C10orf88: variants seen among roughly 807,000 people sequenced by gnomAD.
C10orf88 encodes chromosome 10 open reading frame 88.
Under a neutral mutation model 34.2 loss-of-function variants are expected in C10orf88, and 29 were observed. That is an observed-to-expected ratio of 0.85 (90% CI 0.63 to 1.16). C10orf88 has a LOEUF of 1.16. Ranked by LOEUF, C10orf88 falls within the 50% of genes most tolerant of loss-of-function variation. The probability of loss-of-function intolerance (pLI) is 0.00; values close to 1 mark genes in which losing one functional copy is unlikely to be tolerated. For synonymous variants in C10orf88, 194 were observed against 197.4 expected, an observed-to-expected ratio of 0.98 and a Z score of 0.15; for missense variants, 507 against 533.2, an observed-to-expected ratio of 0.95 and a Z score of 0.48.
In C10orf88 at chr10:122,954,049, C is replaced by G; in HGVS notation, c.130G>C (p.Asp44His). ...TRAGLGPGDF[D>H]WEELLAPPAP... is the part of the protein sequence containing the mutation. ...GGCGGTGCCAGCAGCTCCTCCCAGT[C>G]GAAGTCACCGGGGCCGAGACCGGCC... The change falls in exon 1 of 6, where the codon GAC (aspartate) becomes CAC (histidine). Residue 44 changes from aspartate (D) to histidine (H), a missense_variant. Asp to His is a moderately conservative substitution (Grantham distance 81). Transcript: ENST00000481909. 6.5e-7 allele frequency: 1 copy of G among 1,537,730 alleles called. No individual in the cohort carries two copies. The highest frequency in any genetic ancestry group is 1.8e-4 in the Middle Eastern group (1 of 5,520).
At position 122,932,186 on chromosome 10, in the gene C10orf88, A is replaced by G. The variant is rs1848489316; in HGVS notation, c.*241T>C. On this transcript the variant is annotated 3_prime_UTR_variant, in exon 6 of 6. Transcript: ENST00000481909. The stretch of plus-strand genomic sequence containing the variant: ...TTAAACTCTTAACACAAATATACAT[A>G]CATTTCTGTAAGACTGAAAAATATC... 2.6e-6 allele frequency: 1 copy of G among 382,330 alleles called. No individual in the cohort carries two copies. Among genetic ancestry groups the G allele is most frequent in the Admixed American group, 4.0e-5 (1 of 24,736 alleles). The allele number at this position is 382,330 out of a possible 1,614,324, so 23.7% of individuals were successfully genotyped here.
chr10:122,952,027 CTAAAAA>C lies in C10orf88; in HGVS notation c.369-7_369-2del, dbSNP rs761402450. 7.1e-7 allele frequency: 1 copy of C among 1,405,412 alleles called. No individual in the cohort carries two copies. Among genetic ancestry groups the C allele is most frequent in the African/African-American group, 1.4e-5 (1 of 69,050 alleles). The allele number at this position is 1,405,412 out of a possible 1,614,324, so 87.1% of individuals were successfully genotyped here. ...ATACAAAATGATCTTTTCATGTTCA[CTAAAAA>C]TAAAAAAGAATTAATTTTTTTTACT... On this transcript the variant is annotated splice_acceptor_variant and splice_polypyrimidine_tract_variant and intron_variant, in intron 2 of 5. Coordinates refer to ENST00000481909, the MANE Select transcript of C10orf88 (RefSeq NM_024942.4). LOFTEE classifies it high-confidence loss of function.
chr10:122,938,058 G>C lies in C10orf88; in HGVS notation c.750C>G (p.Asn250Lys), dbSNP rs1338023162. ...AAGGAAAAGGTGTGGAGGACGACTTGTTTAAGGTTCCTAAGGTAGATGAGG... is the reference window on the plus strand; with the variant it reads ...AAGGAAAAGGTGTGGAGGACGACTTCTTTAAGGTTCCTAAGGTAGATGAGG... ...LQSSSTLGTL[N>K]KSSSTPFPFR... The change falls in exon 5 of 6, where the codon AAC becomes AAG. Residue 250 changes from asparagine (N) to lysine (K), a missense_variant. By Grantham distance (94) the Asn-to-Lys change is moderately conservative. Transcript: ENST00000481909. The C allele has an allele frequency of 6.2e-7, 1 of 1,613,288 alleles. No individual in the cohort carries two copies. Among genetic ancestry groups the C allele is most frequent in the South Asian group, 1.1e-5 (1 of 91,070 alleles).
chr10:122,946,002 A>G (rs1466176412), intron 4 of C10orf88, among the ~76,000 whole-genome samples: 2 of 152,084 alleles, frequency 1.3e-5, no homozygotes, highest in Non-Finnish European at 2.9e-5. Context: ...GGCCTGAGGT[A>G]GGAGAATTGC....
At chr10:122,952,803 C>T (rs368338378) in intron 2 of C10orf88, 26 bp downstream of exon 2, 422 of 1,611,276 alleles carry the variant, frequency 2.6e-4, no homozygotes, top group Non-Finnish European at 3.5e-4. Context: ...TTCAGAAGAA[C>T]ACTTTCCCGT....
intron 5 of C10orf88, 57 bp downstream of exon 5, chr10:122,937,648 T>A: frequency 1.4e-6 from 2 of 1,415,602 alleles, no homozygotes; most frequent in Non-Finnish European, 1.9e-6. Flanking sequence ...CTGTTTCCTT[T>A]CATCTGATTC....
chr10:122,937,751 A>G lies in C10orf88; in HGVS notation c.1057T>C (p.Cys353Arg). ...CCATGCTTGGTGATGTTTTCCTGAC[A>G]CTCGGTCTTATTTCCCACATGGAGA... ...NHLHVGNKTECQENITKHGER... is the reference protein window; with the variant it reads ...NHLHVGNKTERQENITKHGER... Residue 353 changes from cysteine (C) to arginine (R), a missense_variant, in exon 5 of 6, where the codon TGT becomes CGT. By Grantham distance (180) the Cys-to-Arg change is radical (BLOSUM62 -3). Transcript: ENST00000481909. 6.2e-7 allele frequency: 1 copy of G among 1,612,412 alleles called. No homozygotes were observed. Among genetic ancestry groups the G allele is most frequent in the Admixed American group, 1.7e-5 (1 of 59,834 alleles).
rs752342938 is a variant in C10orf88, at chr10:122,938,115, A to G, written c.693T>C (p.Asn231=). 4 of 1,611,516 alleles carry G rather than the reference A, an allele frequency of 2.5e-6. No homozygotes were observed. The highest frequency in any genetic ancestry group is 3.4e-6 in the Non-Finnish European group (4 of 1,178,322). Residue 231 remains asparagine (N), a synonymous_variant, in exon 5 of 6, where the codon AAT becomes AAC. Coordinates refer to ENST00000481909, the MANE Select transcript of C10orf88 (RefSeq NM_024942.4). ...IGEQLQSVLG[N]SGYKHMIGLQ... ...GTCCAATCATATGCTTGTATCCAGA[A>G]TTGCCCAACACCGACTGAAGCTGCT...
intron 2 of C10orf88, among the ~76,000 whole-genome samples, chr10:122,952,370 A>G (rs2133337828): frequency 6.6e-6 from 1 of 152,364 alleles, no homozygotes; most frequent in Non-Finnish European, 1.5e-5. Context: ...CGTAAGAAAA[A>G]AAATCACAAG....
At chr10:122,941,592 A>T (rs539237742) in intron 4 of C10orf88, among the ~76,000 whole-genome samples, 14 of 152,160 alleles carry the variant, frequency 9.2e-5, no homozygotes, top group African/African-American at 1.9e-4. Context: ...TACACAGCTT[A>T]TATGACATTC....
chr10:122,940,438 A>G (rs916721835), intron 4 of C10orf88, among the ~76,000 whole-genome samples: 1 of 152,046 alleles, frequency 6.6e-6, no homozygotes, highest in African/African-American at 2.4e-5. Context: ...TTCAATAGGT[A>G]TAAAGTTACA....
At chr10:122,953,499 C>A (rs1848713412) in intron 1 of C10orf88, among the ~76,000 whole-genome samples, 1 of 152,170 alleles carries the variant, frequency 6.6e-6, no homozygotes, top group Non-Finnish European at 1.5e-5. Context: ...CAGGGCTTTC[C>A]CAAACTCTAT....
Position 122,948,686 on chromosome 10 carries a change from G to A in C10orf88, c.611C>T (p.Ala204Val). 1 of 1,613,878 alleles carries A rather than the reference G, an allele frequency of 6.2e-7. No homozygotes were observed. Among genetic ancestry groups the A allele is most frequent in the Non-Finnish European group, 8.5e-7 (1 of 1,179,884 alleles). Residue 204 changes from alanine (A) to valine (V), a missense_variant, in exon 4 of 6, where the codon GCT becomes GTT. Ala to Val is a moderately conservative substitution (Grantham distance 64). Coordinates refer to ENST00000481909, the MANE Select transcript of C10orf88 (RefSeq NM_024942.4). ...ESMGSKLSPG[A>V]QQLMDMVRCQ... ...CCTAACCATATCCATCAACTGCTGA[G>A]CTCCAGGAGATAACTTTGACCCCAT...
At chr10:122,953,095 T>G (rs978985504) in intron 1 of C10orf88, 63 bp from the exon 2 acceptor site, 1 of 1,344,138 alleles carries the variant, frequency 7.4e-7, no homozygotes, top group Non-Finnish European at 1.0e-6. Context: ...TCTTCTTTTT[T>G]GAGACGGAGT....
At chr10:122,950,187 G>A (rs1331569113) in intron 3 of C10orf88, among the ~76,000 whole-genome samples, 1 of 152,194 alleles carries the variant, frequency 6.6e-6, no homozygotes. Flanking sequence ...CTAAATCTGA[G>A]TCAGGATAAA....
intron 5 of C10orf88, among the ~76,000 whole-genome samples, chr10:122,933,975 C>T (rs1369021875): frequency 2.0e-5 from 3 of 151,878 alleles, no homozygotes; most frequent in East Asian, 1.9e-4. Flanking sequence ...ATGTAGCCTA[C>T]ATAAGTTTAT....
chr10:122,939,081 T>C (rs1266694326), intron 4 of C10orf88, among the ~76,000 whole-genome samples: 1 of 151,988 alleles, frequency 6.6e-6, no homozygotes, highest in Non-Finnish European at 1.5e-5. Flanking sequence ...GTTCATATAC[T>C]TATAGATATT....
intron 4 of C10orf88, among the ~76,000 whole-genome samples, chr10:122,946,191 A>G (rs1188334459): frequency 1.3e-5 from 2 of 152,192 alleles, no homozygotes; most frequent in African/African-American, 2.4e-5. Flanking sequence ...CTAAATGTGC[A>G]GTGTTTATAA....
In C10orf88 at chr10:122,938,134, A is replaced by C. The variant is rs983241544; in HGVS notation, c.674T>G (p.Leu225Arg). The C allele has an allele frequency of 1.9e-6, 3 of 1,605,358 alleles. No individual in the cohort carries two copies. The highest frequency in any genetic ancestry group is 2.6e-6 in the Non-Finnish European group (3 of 1,174,922). The change falls in exon 5 of 6, where the codon CTT becomes CGT. Residue 225 changes from leucine to arginine, a missense_variant. Transcript: ENST00000481909. ...QRNCIPIGEQ[L>R]QSVLGNSGYK... ...TCCAGAATTGCCCAACACCGACTGAAGCTGCTCTCCAATGGGAATACAATT... is the reference window on the plus strand; with the variant it reads ...TCCAGAATTGCCCAACACCGACTGACGCTGCTCTCCAATGGGAATACAATT...
Sources: gnomAD v4.1 joint callset for allele counts (sites outside exome capture counted in the v4.1 genomes callset) on GRCh38, gnomAD v4.1.1 for gene constraint, MANE v1.5 for transcripts, NCBI Gene and HGNC (gene_info 2026-07-23, HGNC 2026-07-21) for gene names.